CERS6: variants seen among roughly 807,000 people sequenced by gnomAD.
CERS6 encodes ceramide synthase 6, also known as LAG1 homolog, ceramide synthase 6.
Under a neutral mutation model 56.8 loss-of-function variants are expected in CERS6, and 26 were observed. That is an observed-to-expected ratio of 0.46 (90% confidence interval 0.34 to 0.63). The LOEUF is 0.63. Ranked by LOEUF, CERS6 falls within the 30% of genes least tolerant of loss-of-function variation. CERS6 has a pLI of 0.01. For missense variants in CERS6, 415 were observed against 467.5 expected, an observed-to-expected ratio of 0.89 and a Z score of 1.04; for synonymous variants, 164 against 173.3, an observed-to-expected ratio of 0.95 and a Z score of 0.42.
chr2:168,680,378 G>A (rs957991119), intron 4 of CERS6, among the ~76,000 whole-genome samples: 2 of 152,234 alleles, frequency 1.3e-5, no homozygotes, highest in African/African-American at 2.4e-5. Context: ...AATAATGCAA[G>A]GAAAGGGATG....
intron 5 of CERS6, among the ~76,000 whole-genome samples, chr2:168,693,130 G>C (rs577094458): frequency 5.3e-5 from 8 of 152,232 alleles, no homozygotes; most frequent in African/African-American, 1.9e-4. Flanking sequence ...CTTGGTATAA[G>C]AAGCACAAGT....
chr2:168,554,052 A>G (rs1247507684), intron 2 of CERS6, among the ~76,000 whole-genome samples: 1 of 152,176 alleles, frequency 6.6e-6, no homozygotes, highest in African/African-American at 2.4e-5. Context: ...GGCTACTTTA[A>G]TAAGGTGGAG....
At chr2:168,598,519 A>T (rs1683855916) in intron 3 of CERS6, among the ~76,000 whole-genome samples, 1 of 152,158 alleles carries the variant, frequency 6.6e-6, no homozygotes, top group African/African-American at 2.4e-5. Flanking sequence ...TTACTGGAAT[A>T]TGGGAAATTT....
chr2:168,695,816 G>T (rs1686631722), intron 6 of CERS6, among the ~76,000 whole-genome samples: 1 of 152,102 alleles, frequency 6.6e-6, no homozygotes. Context: ...CATGAATTCT[G>T]AAATGTTTCT....
chr2:168,745,925 G>T lies in CERS6; in HGVS notation c.846-19667G>T, dbSNP rs115200066. Among the ~76,000 whole-genome samples, 552 of 152,280 alleles carry T rather than the reference G, an allele frequency of 3.6e-3. 3 individuals are homozygous for T. The highest frequency in any genetic ancestry group is 0.013 in the African/African-American group (536 of 41,542). ...CCACATTCCCCTCTTAGATTAGCTG[G>T]CCTCTGGGTCACCTCCCAGGCCCAT... On this transcript the variant is annotated intron_variant, in intron 8 of 9. Coordinates refer to ENST00000305747, the MANE Select transcript of CERS6 (RefSeq NM_203463.3).
intron 7 of CERS6, among the ~76,000 whole-genome samples, chr2:168,716,391 T>A (rs1687227058): frequency 6.6e-6 from 1 of 152,114 alleles, no homozygotes; most frequent in African/African-American, 2.4e-5. Flanking sequence ...GCCAACTTCA[T>A]TGCCTGTGGA....
chr2:168,643,266 TA>T (rs879614126), intron 4 of CERS6, among the ~76,000 whole-genome samples: 2 of 152,024 alleles, frequency 1.3e-5, no homozygotes, highest in Non-Finnish European at 2.9e-5. Context: ...TTGTGAATTA[TA>T]AAAAAAACTG....
intron 5 of CERS6, among the ~76,000 whole-genome samples, chr2:168,693,106 T>C (rs1686547320): frequency 6.6e-6 from 1 of 152,140 alleles, no homozygotes; most frequent in African/African-American, 2.4e-5. Context: ...TGCATTCAGT[T>C]GAACCTTGTA....
At chr2:168,599,516 A>C (rs898416936) in intron 3 of CERS6, among the ~76,000 whole-genome samples, 2 of 152,214 alleles carry the variant, frequency 1.3e-5, no homozygotes, top group African/African-American at 2.4e-5. Context: ...AGTAAATCCA[A>C]CTGTGAGTGC....
At chr2:168,601,662 G>C (rs750628595) in intron 3 of CERS6, among the ~76,000 whole-genome samples, 5 of 151,698 alleles carry the variant, frequency 3.3e-5, no homozygotes, top group Non-Finnish European at 7.4e-5. Flanking sequence ...CAGTTCTTCT[G>C]CCTCAGCCTC....
At chr2:168,758,980 A>G (rs1301997480) in intron 8 of CERS6, among the ~76,000 whole-genome samples, 3 of 152,216 alleles carry the variant, frequency 2.0e-5, no homozygotes, top group African/African-American at 7.2e-5. Context: ...TTCTGCATGA[A>G]TGTATGCATC....
chr2:168,542,756 G>A (rs866473228), intron 1 of CERS6, among the ~76,000 whole-genome samples: 5 of 152,066 alleles, frequency 3.3e-5, no homozygotes, highest in African/African-American at 7.2e-5. Context: ...GAGTGCAGTG[G>A]CACAATATTG....
chr2:168,675,214 C>T (rs753778698), intron 4 of CERS6, among the ~76,000 whole-genome samples: 7 of 152,008 alleles, frequency 4.6e-5, no homozygotes, highest in Non-Finnish European at 8.8e-5. Flanking sequence ...CCTTGTGATC[C>T]GCCCGCCTCA....
In CERS6 at chr2:168,489,651, A is replaced by G. The variant is rs148072878; in HGVS notation, c.170+33033A>G. Among the ~76,000 whole-genome samples the G allele has an allele frequency of 8.3e-3, 1,258 of 151,902 alleles. 9 individuals carry two copies. Among genetic ancestry groups the G allele is most frequent in the Non-Finnish European group, 0.012 (804 of 67,960 alleles). On this transcript the variant is annotated intron_variant, in intron 1 of 9. Coordinates refer to ENST00000305747, the MANE Select transcript of CERS6 (RefSeq NM_203463.3). ...TTACTCTTTCTTCGGTTATATATAT[A>G]TTTTGACTTGAGCTATCCCATGAAT...
intron 9 of CERS6, among the ~76,000 whole-genome samples, chr2:168,767,103 T>C (rs529643306): frequency 6.6e-6 from 1 of 152,342 alleles, no homozygotes; most frequent in South Asian, 2.1e-4. Context: ...ATTACTTGTG[T>C]CCTTAATTGC....
chr2:168,502,681 C>A (rs951401901), intron 1 of CERS6, among the ~76,000 whole-genome samples: 1 of 152,234 alleles, frequency 6.6e-6, no homozygotes. Context: ...ACTCCAAAGG[C>A]ACATCTGCTG....
chr2:168,654,155 T>C (rs1161914377), intron 4 of CERS6, among the ~76,000 whole-genome samples: 2 of 152,230 alleles, frequency 1.3e-5, no homozygotes, highest in Non-Finnish European at 2.9e-5. Context: ...TAAAATGATT[T>C]AGATTTTGTT....
At chr2:168,732,823 A>G (rs1447997755) in intron 8 of CERS6, among the ~76,000 whole-genome samples, 1 of 152,240 alleles carries the variant, frequency 6.6e-6, no homozygotes, top group African/African-American at 2.4e-5. Flanking sequence ...AAATAACTAC[A>G]TACACAAGTA....
At chr2:168,521,743 C>G (rs149832547) in intron 1 of CERS6, among the ~76,000 whole-genome samples, 1 of 152,178 alleles carries the variant, frequency 6.6e-6, no homozygotes, top group Non-Finnish European at 1.5e-5. Flanking sequence ...GGGAGCTTCC[C>G]CTGCAAAGAT....
Sources: allele counts gnomAD v4.1 joint callset (sites outside exome capture counted in the v4.1 genomes callset), GRCh38; gene constraint gnomAD v4.1.1; transcripts MANE v1.5; gene names NCBI Gene and HGNC (gene_info 2026-07-23, HGNC 2026-07-21).